Variants in F13B observed in about 807,000 individuals in gnomAD.
The protein encoded by F13B is coagulation factor XIII B chain, also known as TGase.
A neutral mutation model predicts 79.8 loss-of-function variants in F13B; 58 were observed. The ratio of observed to expected loss-of-function variants is 0.73; its 90% CI spans 0.59 to 0.90. F13B has a LOEUF of 0.90. F13B is among the 40% of genes least tolerant of loss of function. The pLI is 0.00. For synonymous variants in F13B, 283 were observed against 260.3 expected, an observed-to-expected ratio of 1.09 and a Z score of -0.84; for missense variants, 773 against 777.0, an observed-to-expected ratio of 0.99 and a Z score of 0.06.
At chr1:197,058,701 A>T (rs1262196672) in intron 5 of F13B, among the ~76,000 whole-genome samples, 1 of 152,090 alleles carries the variant, frequency 6.6e-6, no homozygotes, top group Non-Finnish European at 1.5e-5. Flanking sequence ...CTACCTTAAG[A>T]TTGTTAACCT....
At chr1:197,060,049 A>G (rs1442409540) in intron 5 of F13B, among the ~76,000 whole-genome samples, 1 of 152,122 alleles carries the variant, frequency 6.6e-6, no homozygotes, top group African/African-American at 2.4e-5. Context: ...AAGCTGCCAG[A>G]TTGGGGTAAT....
rs763502158 is a variant in F13B at position 197,040,543 on chromosome 1, G to T, written c.1931C>A (p.Pro644Gln). The T allele has an allele frequency of 6.2e-7, 1 of 1,609,776 alleles. No homozygotes were observed. Among genetic ancestry groups the T allele is most frequent in the South Asian group, 1.1e-5 (1 of 90,868 alleles). Residue 644 changes from proline to glutamine, a missense_variant, in exon 11 of 12, where the codon CCA (proline) becomes CAA (glutamine). By Grantham distance (76) the Pro-to-Gln change is moderately conservative. Transcript: ENST00000367412. ...MQCDRGQLKY[P>Q]RCIPRQSTLS... is the part of the protein sequence containing the mutation. The stretch of plus-strand genomic sequence containing the variant: ...TTACCTTTGTCTTGGAATACATCTT[G>T]GATATTTTAACTGCCCTCTGTCACA...
In F13B at chr1:197,060,948, C is replaced by T; in HGVS notation, c.579G>A (p.Glu193=). The part of the protein sequence containing the change: ...GYYTAGGKKT[E]EVECLTYGWS... ...ATCCGTATGTGAGACATTCTACCTC[C>T]TCTGTCTTCTTTCCTCCAGCTGTGT... is the stretch of plus-strand genomic sequence containing the variant. Residue 193 remains glutamate (E), a synonymous_variant, in exon 4 of 12, where the codon GAG becomes GAA. Transcript: ENST00000367412. 6.2e-7 allele frequency: 1 copy of T among 1,613,270 alleles called. No homozygotes were observed. Among genetic ancestry groups the T allele is most frequent in the Non-Finnish European group, 8.5e-7 (1 of 1,179,454 alleles).
rs1359475077 is a variant in F13B at position 197,050,711 on chromosome 1, G to A, written c.1724C>T (p.Pro575Leu). ...GTAGTACATACCTAAACACAATGGT[G>A]GTGTAGTCCACATTCCATCTAAACA... is the stretch of plus-strand genomic sequence containing the variant. ...AYCLDGMWTTPPLCLEPCTLS... is the reference protein window; with the variant it reads ...AYCLDGMWTTLPLCLEPCTLS... The change falls in exon 10 of 12, where the codon CCA becomes CTA. Residue 575 changes from proline to leucine, a missense_variant. Pro to Leu is a moderately conservative substitution (Grantham distance 98, BLOSUM62 -3). Coordinates refer to ENST00000367412, the MANE Select transcript of F13B (RefSeq NM_001994.3). The A allele has an allele frequency of 1.2e-6, 2 of 1,612,840 alleles. No homozygotes were observed. Among genetic ancestry groups the A allele is most frequent in the East Asian group, 4.5e-5 (2 of 44,824 alleles).
intron 10 of F13B, among the ~76,000 whole-genome samples, chr1:197,047,036 A>G: frequency 6.6e-6 from 1 of 152,242 alleles, no homozygotes; most frequent in Admixed American, 6.5e-5. Context: ...TTTAAATGTA[A>G]GACCTAACAC....
At chr1:197,040,791 A>G (rs1055225366) in intron 10 of F13B, 56 bp from the exon 11 acceptor site, 29 of 1,421,878 alleles carry the variant, frequency 2.0e-5, no homozygotes, top group Non-Finnish European at 2.8e-5. Context: ...ATCTTGTTAC[A>G]TCTTGGTAAG....
intron 10 of F13B, among the ~76,000 whole-genome samples, chr1:197,048,573 C>T (rs148572928): frequency 8.0e-4 from 121 of 151,642 alleles, no homozygotes; most frequent in African/African-American, 2.7e-3. Context: ...CACCAAGATA[C>T]GAAGATTTAG....
At chr1:197,065,449 C>G (rs770446989) in intron 1 of F13B, among the ~76,000 whole-genome samples, 3 of 152,102 alleles carry the variant, frequency 2.0e-5, no homozygotes, top group Non-Finnish European at 4.4e-5. Context: ...ACACTTACTA[C>G]TGATCAGAGA....
chr1:197,039,608 AT>A (rs1179369888), intron 11 of F13B, among the ~76,000 whole-genome samples, 197 bp from the exon 12 acceptor site: 2 of 152,060 alleles, frequency 1.3e-5, no homozygotes, highest in African/African-American at 4.8e-5. Flanking sequence ...ACTACTCATG[AT>A]TTTTTAAATA....
intron 1 of F13B, among the ~76,000 whole-genome samples, chr1:197,064,053 C>G (rs1655964001): frequency 6.6e-6 from 1 of 152,036 alleles, no homozygotes; most frequent in Admixed American, 6.6e-5. Context: ...GGTTAGAGAC[C>G]TGGTACTTAG....
chr1:197,053,953 C>T (rs17514634), intron 8 of F13B, among the ~76,000 whole-genome samples: 2,035 of 152,106 alleles, frequency 0.013, 41 homozygotes, highest in African/African-American at 0.045. Context: ...GTGATTAGAG[C>T]AGGGAAGAGA....
At chr1:197,050,966 C>T in intron 9 of F13B, 87 bp from the exon 10 acceptor site, 1 of 1,158,324 alleles carries the variant, frequency 8.6e-7, no homozygotes, top group Non-Finnish European at 1.3e-6. Context: ...GAGTCTCCCT[C>T]TGTCACCCAG....
rs760496187 is a variant in F13B, at chr1:197,062,844, C to G, written c.265+13G>C. 6.2e-7 allele frequency: 1 copy of G among 1,613,108 alleles called. No individual in the cohort carries two copies. The highest frequency in any genetic ancestry group is 1.7e-5 in the Admixed American group (1 of 59,978). On this transcript the variant is annotated intron_variant, in intron 2 of 11. Coordinates refer to ENST00000367412, the MANE Select transcript of F13B (RefSeq NM_001994.3). ...AGTATTGAAACATTGAGTGACATATCCAGCTGACTTACTGAAGCACCTTGG... is the reference window on the plus strand; with the variant it reads ...AGTATTGAAACATTGAGTGACATATGCAGCTGACTTACTGAAGCACCTTGG...
Position 197,057,100 on chromosome 1 carries a change from A to G in F13B, c.1084T>C (p.Tyr362His). 6.2e-7 allele frequency: 1 copy of G among 1,613,818 alleles called. No homozygotes were observed. Among genetic ancestry groups the G allele is most frequent in the Non-Finnish European group, 8.5e-7 (1 of 1,179,878 alleles). ...AGAAGGTAGCCGCTTTTACATGCAT[A>G]TGTCACTTTATCCCCATTGTAATAA... Reference protein sequence around the residue: ...KIYYNGDKVTYACKSGYLLHG... With the variant: ...KIYYNGDKVTHACKSGYLLHG... Residue 362 changes from tyrosine to histidine, a missense_variant, in exon 7 of 12, where the codon TAT becomes CAT. By Grantham distance (83) the Tyr-to-His change is moderately conservative. Transcript: ENST00000367412.
At chr1:197,056,572 A>G (rs1655647667) in intron 7 of F13B, among the ~76,000 whole-genome samples, 1 of 152,116 alleles carries the variant, frequency 6.6e-6, no homozygotes, top group Non-Finnish European at 1.5e-5. Flanking sequence ...TATCAGCAGG[A>G]CTTACCCAAG....
chr1:197,060,806 G>C, intron 4 of F13B, 93 bp downstream of exon 4: 2 of 1,204,798 alleles, frequency 1.7e-6, no homozygotes, highest in Non-Finnish European at 2.5e-6. Flanking sequence ...GCATGAAAAG[G>C]TGAAACATAA....
At chr1:197,063,129 A>G (rs1208734863) in intron 1 of F13B, 72 bp from the exon 2 acceptor site, 1 of 1,375,780 alleles carries the variant, frequency 7.3e-7, no homozygotes, top group Non-Finnish European at 1.0e-6. Context: ...TCAGGTGACA[A>G]TACAAACTAA....
intron 1 of F13B, among the ~76,000 whole-genome samples, chr1:197,066,859 G>A (rs994644108): frequency 6.6e-6 from 1 of 152,040 alleles, no homozygotes; most frequent in Admixed American, 6.6e-5. Flanking sequence ...ATGTGACTTC[G>A]AAATGGACAT....
intron 10 of F13B, among the ~76,000 whole-genome samples, chr1:197,046,569 G>A (rs1206739390): frequency 2.0e-5 from 3 of 152,272 alleles, no homozygotes; most frequent in East Asian, 1.9e-4. Context: ...TCAATATCGT[G>A]AAAATGGCCA....
Sources: gnomAD v4.1 joint callset for allele counts (sites outside exome capture counted in the v4.1 genomes callset) on GRCh38, gnomAD v4.1.1 for gene constraint, MANE v1.5 for transcripts, NCBI Gene and HGNC (gene_info 2026-07-23, HGNC 2026-07-21) for gene names.